AKAP13: variants seen among roughly 807,000 people sequenced by gnomAD.
AKAP13 encodes the protein A-kinase anchor protein 13.
In AKAP13, 80 loss-of-function variants were observed where a neutral mutation model predicts 264.5. That is an observed-to-expected ratio of 0.30 (90% CI 0.25 to 0.36). The LOEUF is 0.36. AKAP13 is among the 10% of genes least tolerant of loss of function. The pLI, the probability that AKAP13 is intolerant of heterozygous loss-of-function variation, is 1.00. For missense variants in AKAP13, 3,712 were observed against 3,435.2 expected (o/e 1.08, Z -2.01); for synonymous variants, 1,380 against 1,250.2 (o/e 1.10, Z -2.19).
At chr15:85,736,342 C>T (rs916465318) in intron 33 of AKAP13, among the ~76,000 whole-genome samples, 1 of 152,104 alleles carries the variant, frequency 6.6e-6, no homozygotes, top group Non-Finnish European at 1.5e-5. Context: ...GGAATTTTGC[C>T]AGTTAGAGAA....
intron 17 of AKAP13, among the ~76,000 whole-genome samples, chr15:85,705,503 T>C (rs1249407480): frequency 6.6e-6 from 1 of 152,198 alleles, no homozygotes; most frequent in Non-Finnish European, 1.5e-5. Flanking sequence ...TAAAATCTTA[T>C]CTTTAAGTTA....
chr15:85,612,920 A>G (rs767490670), intron 8 of AKAP13, among the ~76,000 whole-genome samples: 15 of 152,138 alleles, frequency 9.9e-5, no homozygotes, highest in Admixed American at 9.2e-4. Flanking sequence ...ATTTATAGTA[A>G]TTTTACTCAA....
chr15:85,656,094 T>G (rs1567178198), intron 11 of AKAP13, among the ~76,000 whole-genome samples: 1 of 152,200 alleles, frequency 6.6e-6, no homozygotes, highest in Non-Finnish European at 1.5e-5. Context: ...AATGGGAATG[T>G]TTATTCTTAC....
Position 85,580,648 on chromosome 15 carries a change from G to A in AKAP13, c.2580G>A (p.Met860Ile). The A allele has an allele frequency of 6.2e-7, 1 of 1,614,190 alleles. No individual in the cohort carries two copies. Among genetic ancestry groups the A allele is most frequent in the South Asian group, 1.1e-5 (1 of 91,078 alleles). ...CTGCTGCAGAGCTTCAGCACGGGAT[G>A]GGGAATACCAGTCTCACAGGACTTG... ...SSTAAELQHG[M>I]GNTSLTGLGG... Residue 860 changes from methionine to isoleucine, a missense_variant, in exon 7 of 37, where the codon ATG (methionine) becomes ATA (isoleucine). Coordinates refer to ENST00000394518, the MANE Select transcript of AKAP13 (RefSeq NM_007200.5).
At chr15:85,591,406 C>G (rs1278301341) in intron 8 of AKAP13, among the ~76,000 whole-genome samples, 1 of 152,144 alleles carries the variant, frequency 6.6e-6, no homozygotes, top group Non-Finnish European at 1.5e-5. Context: ...GTTGGAGAAA[C>G]TCCTTTAGCC....
chr15:85,527,372 G>C (rs2077102085), intron 3 of AKAP13, among the ~76,000 whole-genome samples: 1 of 152,038 alleles, frequency 6.6e-6, no homozygotes, highest in Non-Finnish European at 1.5e-5. Context: ...TCCCAAGGGG[G>C]TGAAAATTGC....
chr15:85,629,429 A>G (rs77129243), intron 8 of AKAP13, among the ~76,000 whole-genome samples: 1 of 152,246 alleles, frequency 6.6e-6, no homozygotes, highest in Admixed American at 6.5e-5. Flanking sequence ...GAGTCTCTCC[A>G]CTTTTTTCTT....
intron 1 of AKAP13, among the ~76,000 whole-genome samples, chr15:85,460,867 G>A (rs892579821): frequency 2.6e-5 from 4 of 152,108 alleles, no homozygotes; most frequent in African/African-American, 7.2e-5. Context: ...CCTCCTGAAA[G>A]GAATGTAGCT....
In AKAP13 at chr15:85,727,296, G is replaced by C. The variant is rs200186760; in HGVS notation, c.7004+49G>C. The C allele has an allele frequency of 1.4e-4, 233 of 1,613,104 alleles. No homozygotes were observed. The African/African-American group carries it at 2.7e-3, about 19-fold the overall frequency. ...CCTTCCCAGCCCTCCTGATGTCTCT[G>C]TGTGATTTCATAACAGGCTGGACTG... On this transcript the variant is annotated intron_variant, in intron 28 of 36. Coordinates refer to ENST00000394518, the MANE Select transcript of AKAP13 (RefSeq NM_007200.5). The surrounding 1 kb of genome is among the most constrained non-coding windows in gnomAD (Gnocchi z 5.3).
At chr15:85,548,653 C>T (rs945254188) in intron 5 of AKAP13, among the ~76,000 whole-genome samples, 1 of 152,048 alleles carries the variant, frequency 6.6e-6, no homozygotes, top group East Asian at 1.9e-4. Flanking sequence ...TTGAACATTT[C>T]TTATATATTA....
intron 8 of AKAP13, among the ~76,000 whole-genome samples, chr15:85,614,184 AG>A (rs1477595602): frequency 6.6e-6 from 1 of 152,216 alleles, no homozygotes; most frequent in African/African-American, 2.4e-5. Context: ...GAGAGCACTC[AG>A]GTATTCTGTT....
chr15:85,514,016 C>CT lies in AKAP13; in HGVS notation c.34-7403dup, dbSNP rs928834990. Among the ~76,000 whole-genome samples, 18 of 135,798 alleles carry CT rather than the reference C, an allele frequency of 1.3e-4. 3 individuals carry two copies. Among genetic ancestry groups the CT allele is most frequent in the South Asian group, 1.1e-3 (5 of 4,464 alleles). 89.1% of individuals were successfully genotyped at this position (135,798 alleles called of 152,430 possible). On this transcript the variant is annotated intron_variant, in intron 2 of 36. Coordinates refer to ENST00000394518, the MANE Select transcript of AKAP13 (RefSeq NM_007200.5). ...GGCAGATTTCGCTGAATGAATTCTCCTTTTTTTTTCTTTCTTATAACTAAT... is the reference window on the plus strand; with the variant it reads ...GGCAGATTTCGCTGAATGAATTCTCCTTTTTTTTTTCTTTCTTATAACTAAT...
rs187466414 is a variant in AKAP13, at chr15:85,711,199, G to A, written c.5599+554G>A. Among the ~76,000 whole-genome samples the A allele has an allele frequency of 6.9e-3, 1,043 of 152,054 alleles. 10 individuals are homozygous for A. Among genetic ancestry groups the A allele is most frequent in the African/African-American group, 0.024 (1,009 of 41,440 alleles). On this transcript the variant is annotated intron_variant, in intron 19 of 36. Coordinates refer to ENST00000394518, the MANE Select transcript of AKAP13 (RefSeq NM_007200.5). Reference sequence around the variant, plus strand: ...CCCGGCCTAAACTTCTTTCTAAACTGAGAAGTTATAGAAAATAGTTCTTTT... The same window carrying A: ...CCCGGCCTAAACTTCTTTCTAAACTAAGAAGTTATAGAAAATAGTTCTTTT...
chr15:85,564,868 C>T (rs541679997), intron 5 of AKAP13, among the ~76,000 whole-genome samples: 7 of 152,206 alleles, frequency 4.6e-5, no homozygotes, highest in Admixed American at 3.3e-4. Context: ...AGGAGATACA[C>T]GGTCCTGGTT....
At chr15:85,642,587 C>G (rs188609090) in intron 9 of AKAP13, among the ~76,000 whole-genome samples, 353 of 152,272 alleles carry the variant, frequency 2.3e-3, no homozygotes, top group Non-Finnish European at 3.9e-3. Context: ...GTTTACGGTC[C>G]CTCTCTCTCC....
rs2086901180 is a variant in AKAP13 at position 85,715,786 on chromosome 15, AG to A, written c.5600-1del. On this transcript the variant is annotated splice_acceptor_variant, in intron 19 of 36. Transcript: ENST00000394518. LOFTEE classifies it high-confidence loss of function. The stretch of plus-strand genomic sequence containing the variant: ...GCTTCAGTTAGTGTCCTCCTTTTGC[AG>A]CCTCACAGCCCAAGGAGCGTCCTCG... The A allele has an allele frequency of 6.2e-7, 1 of 1,606,138 alleles. No homozygotes were observed. Among genetic ancestry groups the A allele is most frequent in the Non-Finnish European group, 8.5e-7 (1 of 1,178,198 alleles).
chr15:85,671,321 A>C (rs2151569038), intron 14 of AKAP13, among the ~76,000 whole-genome samples: 1 of 151,870 alleles, frequency 6.6e-6, no homozygotes, highest in African/African-American at 2.4e-5. Context: ...CCTGTAGTCC[A>C]GCTGCTTCAG....
chr15:85,663,591 G>A (rs1329098643), intron 12 of AKAP13, among the ~76,000 whole-genome samples: 1 of 152,226 alleles, frequency 6.6e-6, no homozygotes, highest in Non-Finnish European at 1.5e-5. Context: ...TAACTAAGTA[G>A]CTTCAGTATA....
chr15:85,630,234 A>AACCCACACACACACACAC (rs2081681549), intron 8 of AKAP13, among the ~76,000 whole-genome samples: 1 of 119,064 alleles, frequency 8.4e-6, no homozygotes, highest in Non-Finnish European at 1.7e-5. Flanking sequence ...GGAAAATTGT[A>AACCCACACACACACACAC]ACACACACAC....
Sources: gnomAD v4.1 joint callset for allele counts (sites outside exome capture counted in the v4.1 genomes callset) on GRCh38, gnomAD v4.1.1 for gene constraint, Gnocchi (gnomAD v3.1) non-coding constraint, MANE v1.5 for transcripts, NCBI Gene and HGNC (gene_info 2026-07-23, HGNC 2026-07-21) for gene names.